ARGFX: variants seen among roughly 807,000 people sequenced by gnomAD.
ARGFX encodes the protein arginine-fifty homeobox.
In ARGFX, 10 loss-of-function variants were observed where a neutral mutation model predicts 8.0. The observed-to-expected ratio is 1.25, with a 90% CI of 0.77 to 2.12. The LOEUF is 2.12. ARGFX is among the 30% of genes most tolerant of loss of function. The pLI, the probability that ARGFX is intolerant of heterozygous loss-of-function variation, is 0.00. For synonymous variants in ARGFX, 116 were observed against 117.8 expected (o/e 0.98, Z 0.10); for missense variants, 282 against 324.3 (o/e 0.87, Z 1.00).
chr3:121,570,055 TC>T (rs1170825256), intron 1 of ARGFX, among the ~76,000 whole-genome samples: 2 of 152,194 alleles, frequency 1.3e-5, no homozygotes, highest in Admixed American at 6.6e-5. Context: ...TCATATATAT[TC>T]CAAATAGCTT....
At chr3:121,583,001 T>C (rs1237380832) in intron 3 of ARGFX, among the ~76,000 whole-genome samples, 1 of 151,066 alleles carries the variant, frequency 6.6e-6, no homozygotes, top group Non-Finnish European at 1.5e-5. Flanking sequence ...CCACTGTGCA[T>C]GGCCAAATTT....
intron 2 of ARGFX, 97 bp from the exon 3 acceptor site, chr3:121,576,683 TTTTC>T (rs1381014923): frequency 1.6e-4 from 50 of 316,816 alleles, no homozygotes; most frequent in Non-Finnish European, 2.9e-4. Flanking sequence ...TTCTCTTTCT[TTTTC>T]TTTCTTTCTC....
Position 121,570,808 on chromosome 3 carries a change from C to G in ARGFX, c.95C>G (p.Ala32Gly), listed in dbSNP as rs201565904. Residue 32 changes from alanine (A) to glycine (G), a missense_variant, in exon 2 of 5, where the codon GCT becomes GGT. Coordinates refer to ENST00000334384, the MANE Select transcript of ARGFX (RefSeq NM_001012659.2). ...AAGGTGATACCACCACAGGATCCAGCTAGTCCCAGTGAGTATCATCCTTCT... is the reference window on the plus strand; with the variant it reads ...AAGGTGATACCACCACAGGATCCAGGTAGTCCCAGTGAGTATCATCCTTCT... ...NMKVIPPQDP[A>G]SPSFTLLSKL... 4.8e-5 allele frequency: 76 copies of G among 1,599,792 alleles called. 1 individual carries two copies. In the East Asian group the frequency reaches 1.3e-3, roughly 27 times the overall value.
intron 3 of ARGFX, among the ~76,000 whole-genome samples, chr3:121,578,554 A>G (rs72626321): frequency 0.28 from 42,362 of 152,048 alleles, 6,328 homozygotes; most frequent in East Asian, 0.61. Flanking sequence ...GATTAGCCTT[A>G]GCAACATAGC....
At chr3:121,575,131 A>G (rs749964354) in intron 2 of ARGFX, among the ~76,000 whole-genome samples, 19 of 152,114 alleles carry the variant, frequency 1.2e-4, no homozygotes, top group Admixed American at 9.8e-4. Flanking sequence ...CATCCTGGCC[A>G]ACATGGTGAG....
At position 121,590,056 on chromosome 3, in the gene ARGFX, A is replaced by C. The variant is rs1189925751; in HGVS notation, c.*3456A>C. Among the ~76,000 whole-genome samples, 1 of 152,226 alleles carries C rather than the reference A, an allele frequency of 6.6e-6. No individual in the cohort carries two copies. The highest frequency in any genetic ancestry group is 1.9e-4 in the East Asian group (1 of 5,206). On this transcript the variant is annotated 3_prime_UTR_variant, in exon 5 of 5. Transcript: ENST00000334384. ...GATTGACCACCCCCTCAAAAGACTC[A>C]AATTACTAGAATCAGAAACAAAAGT...
Position 121,589,944 on chromosome 3 carries a change from G to C in ARGFX, c.*3344G>C, listed in dbSNP as rs1376236373. Among the ~76,000 whole-genome samples, 1 of 151,972 alleles carries C rather than the reference G, an allele frequency of 6.6e-6. No homozygotes were observed. Among genetic ancestry groups the C allele is most frequent in the East Asian group, 1.9e-4 (1 of 5,186 alleles). Reference sequence around the variant, plus strand: ...GCCTAGAACAGAAATAAATGAAATAGAGAATAGAAAAGCAATACAGAAAAA... The same window carrying C: ...GCCTAGAACAGAAATAAATGAAATACAGAATAGAAAAGCAATACAGAAAAA... On this transcript the variant is annotated 3_prime_UTR_variant, in exon 5 of 5. Coordinates refer to ENST00000334384, the MANE Select transcript of ARGFX (RefSeq NM_001012659.2).
At chr3:121,568,905 A>G (rs1027957150) in intron 1 of ARGFX, among the ~76,000 whole-genome samples, 1 of 152,182 alleles carries the variant, frequency 6.6e-6, no homozygotes, top group African/African-American at 2.4e-5. Flanking sequence ...TGCTGTTCCA[A>G]TTTTTTGGTC....
chr3:121,579,759 G>T (rs2048765748), intron 3 of ARGFX, among the ~76,000 whole-genome samples: 1 of 152,080 alleles, frequency 6.6e-6, no homozygotes, highest in Non-Finnish European at 1.5e-5. Flanking sequence ...TACTGTGAAG[G>T]CTGAGGCAGG....
intron 3 of ARGFX, among the ~76,000 whole-genome samples, chr3:121,580,594 G>A (rs12490033): frequency 0.023 from 1,664 of 73,312 alleles, 30 homozygotes; most frequent in Admixed American, 0.084. Flanking sequence ...GTGTGTGTGT[G>A]TATATATATA....
chr3:121,585,976 T>G (rs757074613), intron 4 of ARGFX, 46 bp from the exon 5 acceptor site: 1 of 1,511,956 alleles, frequency 6.6e-7, no homozygotes. Context: ...CTCCAATGCC[T>G]CCTCCAATAA....
chr3:121,588,417 G>T lies in ARGFX; in HGVS notation c.*1817G>T, dbSNP rs1035269817. Among the ~76,000 whole-genome samples, 14 of 150,290 alleles carry T rather than the reference G, an allele frequency of 9.3e-5. No individual in the cohort carries two copies. The highest frequency in any genetic ancestry group is 1.6e-4 in the Non-Finnish European group (11 of 67,738). ...TGCTTGAACCTGGGAGGTGGAGGTTGCAGTGAGCTGAGGTCGCACCACTGC... is the reference window on the plus strand; with the variant it reads ...TGCTTGAACCTGGGAGGTGGAGGTTTCAGTGAGCTGAGGTCGCACCACTGC... On this transcript the variant is annotated 3_prime_UTR_variant, in exon 5 of 5. Coordinates refer to ENST00000334384, the MANE Select transcript of ARGFX (RefSeq NM_001012659.2).
chr3:121,580,602 A>ATTTT (rs1198950517), intron 3 of ARGFX, among the ~76,000 whole-genome samples: 1 of 87,638 alleles, frequency 1.1e-5, no homozygotes, highest in African/African-American at 3.9e-5. Flanking sequence ...GTGTATATAT[A>ATTTT]TATATTTTTT....
intron 2 of ARGFX, among the ~76,000 whole-genome samples, chr3:121,576,234 T>C (rs2048735066): frequency 6.6e-6 from 1 of 152,102 alleles, no homozygotes. Context: ...TCATCAACAG[T>C]GCCCAAACCA....
rs1174620508 is a variant in ARGFX at position 121,579,945 on chromosome 3, C to CTTTT, written c.220+3068_220+3071dup. Among the ~76,000 whole-genome samples, 150 of 91,546 alleles carry CTTTT rather than the reference C, an allele frequency of 1.6e-3. 3 individuals carry two copies. Among genetic ancestry groups the CTTTT allele is most frequent in the African/African-American group, 2.9e-3 (60 of 20,414 alleles). The allele number at this position is 91,546 out of a possible 152,430, so 60.1% of individuals were successfully genotyped here. ...CTTTCTTTTTCTTTTCTTTTCTTTT[C>CTTTT]TTTTTTTTTTTTTTTTTTTTTTTTT... On this transcript the variant is annotated intron_variant, in intron 3 of 4. Transcript: ENST00000334384.
At chr3:121,568,614 T>C (rs975101264) in intron 1 of ARGFX, among the ~76,000 whole-genome samples, 6 of 152,236 alleles carry the variant, frequency 3.9e-5, no homozygotes, top group Admixed American at 2.6e-4. Context: ...TAAGACCTGA[T>C]TCATTCCCAG....
chr3:121,576,463 C>T (rs1444532946), intron 2 of ARGFX, among the ~76,000 whole-genome samples: 8 of 152,028 alleles, frequency 5.3e-5, no homozygotes, highest in East Asian at 1.9e-4. Context: ...CTCAGCCTAC[C>T]GAGTAGCTGG....
chr3:121,568,424 T>A (rs1195025588), intron 1 of ARGFX, among the ~76,000 whole-genome samples: 3 of 152,208 alleles, frequency 2.0e-5, no homozygotes, highest in Non-Finnish European at 4.4e-5. Flanking sequence ...GCTGAGTAAA[T>A]GTGGTTCTGC....
rs1484497223 is a variant in ARGFX at position 121,588,932 on chromosome 3, T to C, written c.*2332T>C. Among the ~76,000 whole-genome samples the C allele has an allele frequency of 6.6e-6, 1 of 152,126 alleles. No homozygotes were observed. Among genetic ancestry groups the C allele is most frequent in the Non-Finnish European group, 1.5e-5 (1 of 68,024 alleles). On this transcript the variant is annotated 3_prime_UTR_variant, in exon 5 of 5. Coordinates refer to ENST00000334384, the MANE Select transcript of ARGFX (RefSeq NM_001012659.2). ...TTTGGGAAATTCACAAATATGTGGA[T>C]ATTAAACAACACATTCCTAAATAAC...
Sources: gnomAD v4.1 joint callset for allele counts (sites outside exome capture counted in the v4.1 genomes callset) on GRCh38, gnomAD v4.1.1 for gene constraint, MANE v1.5 for transcripts, NCBI Gene and HGNC (gene_info 2026-07-23, HGNC 2026-07-21) for gene names.